PNPLA1: variants seen among roughly 807,000 people sequenced by gnomAD.
The protein encoded by PNPLA1 is patatin like domain 1, omega-hydroxyceramide transacylase, also known as omega-hydroxyceramide transacylase.
A neutral mutation model predicts 51.7 loss-of-function variants in PNPLA1; 36 were observed. The observed-to-expected ratio is 0.70, with a 90% CI of 0.53 to 0.92. The LOEUF (loss-of-function observed/expected upper bound fraction) is 0.92. PNPLA1 is among the 40% of genes least tolerant of loss of function. The pLI, the probability that PNPLA1 is intolerant of heterozygous loss-of-function variation, is 0.00. For missense variants in PNPLA1, 658 were observed against 682.5 expected (o/e 0.96, Z 0.40); for synonymous variants, 293 against 280.1 (o/e 1.05, Z -0.46).
intron 3 of PNPLA1, among the ~76,000 whole-genome samples, chr6:36,293,968 C>A (rs1770771454): frequency 6.6e-6 from 1 of 152,120 alleles, no homozygotes; most frequent in African/African-American, 2.4e-5. Flanking sequence ...GGACAGAGCA[C>A]CGGGCTGGGA....
intron 1 of PNPLA1, among the ~76,000 whole-genome samples, chr6:36,253,119 G>T (rs1769458462): frequency 6.6e-6 from 1 of 152,228 alleles, no homozygotes. Context: ...GGCGGAGGTT[G>T]CAGTGAGCTG....
At chr6:36,252,125 C>G (rs1401999768) in intron 1 of PNPLA1, among the ~76,000 whole-genome samples, 1 of 152,164 alleles carries the variant, frequency 6.6e-6, no homozygotes, top group Non-Finnish European at 1.5e-5. Flanking sequence ...CTTGCCTTCT[C>G]TCCTTCCTCC....
chr6:36,245,918 C>T (rs1319164039), intron 1 of PNPLA1, among the ~76,000 whole-genome samples: 1 of 152,224 alleles, frequency 6.6e-6, no homozygotes, highest in African/African-American at 2.4e-5. Context: ...TGCAATTAGC[C>T]AGGGAGGGAC....
chr6:36,308,870 C>T (rs141133428), intron 8 of PNPLA1, among the ~76,000 whole-genome samples: 175 of 152,240 alleles, frequency 1.1e-3, no homozygotes, highest in African/African-American at 4.0e-3. Flanking sequence ...TGACATGTGC[C>T]GGTAGTCCCA....
rs2127347033 is a variant in PNPLA1 at position 36,294,607 on chromosome 6, T to C, written c.714+208T>C. Among the ~76,000 whole-genome samples, 1 of 152,300 alleles carries C rather than the reference T, an allele frequency of 6.6e-6. No homozygotes were observed. The highest frequency in any genetic ancestry group is 2.1e-4 in the South Asian group (1 of 4,820). On this transcript the variant is annotated intron_variant, in intron 4 of 8. Coordinates refer to ENST00000636260, the MANE Select transcript of PNPLA1 (RefSeq NM_001374623.1). The surrounding 1 kb of genome is among the most constrained non-coding windows in gnomAD (Gnocchi z 4.2). ...GCCTCAAGCTCTCCCAGCTTCAACATTCTCCCCGGTAAAGCGAGATGATGC... is the reference window on the plus strand; with the variant it reads ...GCCTCAAGCTCTCCCAGCTTCAACACTCTCCCCGGTAAAGCGAGATGATGC...
chr6:36,278,476 C>T (rs1455304320), intron 1 of PNPLA1, among the ~76,000 whole-genome samples: 1 of 152,076 alleles, frequency 6.6e-6, no homozygotes, highest in Non-Finnish European at 1.5e-5. Flanking sequence ...GTATTTAGAC[C>T]CTGGGAGAGA....
upstream of PNPLA1, among the ~76,000 whole-genome samples, chr6:36,265,713 ATAGGAAG>A (rs1769745362): frequency 6.6e-6 from 1 of 152,338 alleles, no homozygotes; most frequent in East Asian, 1.9e-4. Flanking sequence ...ATCTGTCATC[ATAGGAAG>A]CACACACACA....
chr6:36,274,061 A>G (rs914059173), intron 1 of PNPLA1, among the ~76,000 whole-genome samples: 1 of 152,206 alleles, frequency 6.6e-6, no homozygotes, highest in Non-Finnish European at 1.5e-5. Flanking sequence ...TTTAACTGCC[A>G]TACAATTTAC....
At position 36,294,191 on chromosome 6, in the gene PNPLA1, G is replaced by A. The variant is rs764847665; in HGVS notation, c.506G>A (p.Arg169Lys). ...GLIPPTYRGV[R>K]YIDGGFTGMQ... ...GCATTTCTCACTCTGCCCCCACAGAGGTACATCGATGGGGGCTTCACGGGC... is the reference window on the plus strand; with the variant it reads ...GCATTTCTCACTCTGCCCCCACAGAAGTACATCGATGGGGGCTTCACGGGC... Residue 169 changes from arginine (R) to lysine (K), a missense_variant and splice_region_variant, in exon 4 of 9, where the codon AGG becomes AAG. Arg to Lys is a conservative substitution (Grantham distance 26, BLOSUM62 2). Transcript: ENST00000636260. This position sits in a 1 kb window ranked among gnomAD's most constrained non-coding sequence, Gnocchi z 4.2. 4 of 1,614,046 alleles carry A rather than the reference G, an allele frequency of 2.5e-6. No individual in the cohort carries two copies. The highest frequency in any genetic ancestry group is 2.2e-5 in the South Asian group (2 of 91,086).
Position 36,307,541 on chromosome 6 carries a change from C to A in PNPLA1, c.1470-46C>A, listed in dbSNP as rs74717741. On this transcript the variant is annotated intron_variant, in intron 7 of 8. Transcript: ENST00000636260. The stretch of plus-strand genomic sequence containing the variant: ...TGAGCAGGCCACCATGTTGGAGGAC[C>A]GAGGTCAGGCCCATAATGAACCATC... 9.4e-6 allele frequency: 15 copies of A among 1,597,832 alleles called. No individual in the cohort carries two copies. In the East Asian group the frequency reaches 2.9e-4, roughly 31 times the overall value.
chr6:36,287,830 G>A (rs1180207722), intron 1 of PNPLA1, among the ~76,000 whole-genome samples: 1 of 151,756 alleles, frequency 6.6e-6, no homozygotes, highest in Non-Finnish European at 1.5e-5. Context: ...AGAGATAACA[G>A]TATCCTTTGG....
chr6:36,293,172 C>T (rs1163061470), intron 3 of PNPLA1, 46 bp downstream of exon 3: 2 of 1,580,704 alleles, frequency 1.3e-6, no homozygotes, highest in South Asian at 1.1e-5. Context: ...TCCAAGGGAC[C>T]TCGGGTCCCT....
chr6:36,289,526 C>A (rs12055798), intron 1 of PNPLA1, among the ~76,000 whole-genome samples: 1 of 152,110 alleles, frequency 6.6e-6, no homozygotes, highest in Non-Finnish European at 1.5e-5. Context: ...CAGGAGCACC[C>A]TCCCCTGTAG....
chr6:36,313,432 G>T lies in PNPLA1; in HGVS notation c.*1546G>T, dbSNP rs1156510231. ...GAAATGCAAAACCCAGAATGAATGG[G>T]TGGAGGACCATACTAAACTGCCCTT... On this transcript the variant is annotated 3_prime_UTR_variant, in exon 9 of 9. Coordinates refer to ENST00000636260, the MANE Select transcript of PNPLA1 (RefSeq NM_001374623.1). Among the ~76,000 whole-genome samples, 1 of 152,170 alleles carries T rather than the reference G, an allele frequency of 6.6e-6. No individual in the cohort carries two copies. The highest frequency in any genetic ancestry group is 6.5e-5 in the Admixed American group (1 of 15,278).
At chr6:36,269,268 G>A (rs77655809), upstream of PNPLA1, among the ~76,000 whole-genome samples, 11,094 of 152,140 alleles carry the variant, frequency 0.073, 456 homozygotes, top group Middle Eastern at 0.17. Context: ...AGCGGGAGAC[G>A]CCATCTTGCC....
At chr6:36,295,273 G>A in intron 4 of PNPLA1, 91 bp from the exon 5 acceptor site, 3 of 1,305,658 alleles carry the variant, frequency 2.3e-6, no homozygotes, top group South Asian at 1.2e-5. Context: ...TAAAATTCAA[G>A]AGCAATGGGA....
chr6:36,299,335 G>GTTTTTTTT (rs767505825), intron 5 of PNPLA1, among the ~76,000 whole-genome samples: 10 of 58,766 alleles, frequency 1.7e-4, no homozygotes, highest in Admixed American at 2.0e-4. Flanking sequence ...TTTTTTGTCT[G>GTTTTTTTT]TTTTTTTTTT....
chr6:36,295,372 C>T lies in PNPLA1; in HGVS notation c.723C>T (p.His241=), dbSNP rs150792918. 206 of 1,614,168 alleles carry T rather than the reference C, an allele frequency of 1.3e-4. No homozygotes were observed. In the African/African-American group the frequency reaches 2.1e-3, roughly 16 times the overall value. Residue 241 remains histidine, a synonymous_variant, in exon 5 of 9, where the codon CAC becomes CAT. Transcript: ENST00000636260. ...ALFPPDLVIL[H]DYYYRGYEDA... is the part of the protein sequence containing the mutation. ...GGTGCCTCCGCCCACAGATCCTGCA[C>T]GATTACTACTACCGAGGGTACGAGG... is the stretch of plus-strand genomic sequence containing the variant.
rs749039155 is a variant in PNPLA1 at position 36,307,591 on chromosome 6, A to G, written c.1474A>G (p.Ser492Gly). The G allele has an allele frequency of 1.9e-6, 3 of 1,613,318 alleles. No homozygotes were observed. Among genetic ancestry groups the G allele is most frequent in the African/African-American group, 1.3e-5 (1 of 74,832 alleles). ...CTACTTAATCTCTTTGCCTAGGGAGAGCCCTGCTGAAGACTCAAACTGGGT... is the reference window on the plus strand; with the variant it reads ...CTACTTAATCTCTTTGCCTAGGGAGGGCCCTGCTGAAGACTCAAACTGGGT... The part of the protein sequence containing the change: ...ETVSKPYVTE[S>G]PAEDSNWVNK... Residue 492 changes from serine to glycine, a missense_variant, in exon 8 of 9, where the codon AGC becomes GGC. Transcript: ENST00000636260.
Sources: gnomAD v4.1 joint callset for allele counts (sites outside exome capture counted in the v4.1 genomes callset) on GRCh38, gnomAD v4.1.1 for gene constraint, Gnocchi (gnomAD v3.1) non-coding constraint, MANE v1.5 for transcripts, NCBI Gene and HGNC (gene_info 2026-07-23, HGNC 2026-07-21) for gene names.